The following ANKRD11 variants were observed in gnomAD, a reference collection of about 807,000 sequenced individuals.
ANKRD11 encodes the protein ankyrin repeat domain 11.
In ANKRD11, 17 loss-of-function variants were observed where a neutral mutation model predicts 195.7. That is an observed-to-expected ratio of 0.09 (90% CI 0.06 to 0.13). The LOEUF is 0.13. Ranked by LOEUF, ANKRD11 falls within the 10% of genes least tolerant of loss-of-function variation. The pLI is 1.00. For synonymous variants in ANKRD11, 1,953 were observed against 1,528.1 expected, an observed-to-expected ratio of 1.28 and a Z score of -6.49; for missense variants, 3,735 against 3,566.1, an observed-to-expected ratio of 1.05 and a Z score of -1.21.
chr16:89,390,276 C>CTG lies in ANKRD11; in HGVS notation c.-60+28007_-60+28008insCA, dbSNP rs1252465704. Among the ~76,000 whole-genome samples the CTG allele has an allele frequency of 2.1e-4, 30 of 139,590 alleles. 1 individual carries two copies. The highest frequency in any genetic ancestry group is 6.2e-5 in the Non-Finnish European group (4 of 64,386). The allele number at this position is 139,590 out of a possible 152,430, so 91.6% of individuals were successfully genotyped here. A position where few individuals can be genotyped will look rare whatever the true frequency, so the allele number is the denominator to read the frequency against. On this transcript the variant is annotated intron_variant, in intron 2 of 12. Coordinates refer to ENST00000301030, the MANE Select transcript of ANKRD11 (RefSeq NM_013275.6). ...CGAACACCGAGTGTGGCGGGGAGCA[C>CTG]CGAGAGAGAAGATCACTGGGGCGAA... is the stretch of plus-strand genomic sequence containing the variant.
rs140586593 is a variant in ANKRD11 at position 89,280,644 on chromosome 16, G to A, written c.5898C>T (p.Thr1966=). Residue 1966 remains threonine, a synonymous_variant, in exon 9 of 13, where the codon ACC becomes ACT. Coordinates refer to ENST00000301030, the MANE Select transcript of ANKRD11 (RefSeq NM_013275.6). ...QALASSLIGG[T]SENPVSWPVG... ...CAGGCCAGCTCACAGGGTTTTCAGA[G>A]GTGCCCCCGATCAGGCTAGAGGCAA... 30 of 1,613,526 alleles carry A rather than the reference G, an allele frequency of 1.9e-5. No individual in the cohort carries two copies. In the Middle Eastern group the frequency reaches 8.3e-4, roughly 44 times the overall value.
chr16:89,314,414 T>C (rs1597596259), intron 3 of ANKRD11, among the ~76,000 whole-genome samples: 2 of 152,024 alleles, frequency 1.3e-5, no homozygotes, highest in Non-Finnish European at 2.9e-5. Flanking sequence ...TCATCAAGTC[T>C]CTCTTCTCCT....
chr16:89,403,368 G>A (rs1344443859), intron 2 of ANKRD11, among the ~76,000 whole-genome samples: 1 of 152,188 alleles, frequency 6.6e-6, no homozygotes, highest in Non-Finnish European at 1.5e-5. Context: ...ACATGGAGGA[G>A]CTCATCTGTC....
chr16:89,404,232 G>A (rs758881087), intron 2 of ANKRD11, among the ~76,000 whole-genome samples: 48 of 152,244 alleles, frequency 3.2e-4, no homozygotes, highest in Non-Finnish European at 5.6e-4. Context: ...TTGGCCGACT[G>A]TAGAACCCTG....
intron 9 of ANKRD11, chr16:89,278,778 A>C: frequency 1.7e-6 from 1 of 595,664 alleles, no homozygotes; most frequent in Non-Finnish European, 3.2e-6. Context: ...AGCGGCGTGA[A>C]GGGGGAGCCC....
chr16:89,287,824 T>C (rs942771947), intron 7 of ANKRD11: 1 of 229,576 alleles, frequency 4.4e-6, no homozygotes, highest in Non-Finnish European at 8.5e-6. Context: ...CCTCCAGCAA[T>C]GGCCAGGCTG....
Position 89,281,777 on chromosome 16 carries a change from G to T in ANKRD11, c.4765C>A (p.Gln1589Lys). Residue 1589 changes from glutamine to lysine, a missense_variant, in exon 9 of 13, where the codon CAG becomes AAG. By Grantham distance (53) the Gln-to-Lys change is moderately conservative (BLOSUM62 1). Transcript: ENST00000301030. This position sits in a 1 kb window ranked among gnomAD's most constrained non-coding sequence, Gnocchi z 5.5. ...MMTSFERMLS[Q>K]KDLEIEERHK... ...CGCTCCTCGATCTCCAGGTCCTTCT[G>T]GGACAGCATCCTCTCGAAGCTGGTC... The T allele has an allele frequency of 6.2e-7, 1 of 1,613,984 alleles. No homozygotes were observed. Among genetic ancestry groups the T allele is most frequent in the Non-Finnish European group, 8.5e-7 (1 of 1,180,004 alleles).
In ANKRD11 at chr16:89,267,740, G is replaced by A. The variant is rs1438646061; in HGVS notation, c.*738C>T. 2.0e-5 allele frequency: 3 copies of A among 152,244 alleles called. No homozygotes were observed. The highest frequency in any genetic ancestry group is 7.3e-5 in the African/African-American group (3 of 41,370). 9.4% of individuals were successfully genotyped at this position (152,244 alleles called of 1,614,324 possible). On this transcript the variant is annotated 3_prime_UTR_variant, in exon 13 of 13. Transcript: ENST00000301030. ...TGCAAAATAAATTATCTAGAAGGCA[G>A]CAAAAGTACATTGTGAAGGTATATA...
At chr16:89,344,368 T>C (rs1000780318) in intron 2 of ANKRD11, among the ~76,000 whole-genome samples, 2 of 152,202 alleles carry the variant, frequency 1.3e-5, no homozygotes, top group Non-Finnish European at 2.9e-5. Flanking sequence ...CTCCTTGCTA[T>C]GAATGCCTGG....
At chr16:89,357,709 G>A (rs1597774939) in intron 2 of ANKRD11, among the ~76,000 whole-genome samples, 2 of 152,302 alleles carry the variant, frequency 1.3e-5, no homozygotes, top group East Asian at 3.9e-4. Flanking sequence ...AGCCAATGCT[G>A]CGGACTCCAC....
chr16:89,367,686 C>T (rs1314264961), intron 2 of ANKRD11, among the ~76,000 whole-genome samples: 1 of 152,214 alleles, frequency 6.6e-6, no homozygotes, highest in Admixed American at 6.5e-5. Flanking sequence ...CAAGCAGCAA[C>T]AGCTGCAGGT....
At chr16:89,286,520 C>T (rs1035921673) in intron 7 of ANKRD11, 4 of 557,110 alleles carry the variant, frequency 7.2e-6, no homozygotes, top group East Asian at 6.1e-5. Context: ...AATCTTCTCA[C>T]GAAGGCTCTC....
In ANKRD11 at chr16:89,335,467, C is replaced by T. The variant is rs115200336; in HGVS notation, c.-59-18389G>A. Among the ~76,000 whole-genome samples, 932 of 152,308 alleles carry T rather than the reference C, an allele frequency of 6.1e-3. 15 individuals carry two copies. Among genetic ancestry groups the T allele is most frequent in the African/African-American group, 0.021 (868 of 41,572 alleles). On this transcript the variant is annotated intron_variant, in intron 2 of 12. Coordinates refer to ENST00000301030, the MANE Select transcript of ANKRD11 (RefSeq NM_013275.6). ...AGGATGAGTGGGTTCCCACCTAGCACGCAGTACGCAGTGGGTTAGGGCAGG... is the reference window on the plus strand; with the variant it reads ...AGGATGAGTGGGTTCCCACCTAGCATGCAGTACGCAGTGGGTTAGGGCAGG...
rs923365064 is a variant in ANKRD11, at chr16:89,295,378, T to A, written c.227-4195A>T. On this transcript the variant is annotated intron_variant, in intron 4 of 12. Transcript: ENST00000301030. ...TGAGCCTGGGCGGCCACCCACCTCA[T>A]CTTTAAGAAACAAGGCCCGTAGGGC... Among the ~76,000 whole-genome samples the A allele has an allele frequency of 7.2e-5, 11 of 152,270 alleles. No homozygotes were observed. In the South Asian group the frequency reaches 2.3e-3, roughly 32 times the overall value.
chr16:89,386,742 G>A (rs1226480529), intron 2 of ANKRD11, among the ~76,000 whole-genome samples: 2 of 152,126 alleles, frequency 1.3e-5, no homozygotes, highest in African/African-American at 4.8e-5. Flanking sequence ...ATTGACTGTT[G>A]GATTTCATCA....
intron 11 of ANKRD11, among the ~76,000 whole-genome samples, chr16:89,273,198 A>AG (rs1206396583): frequency 6.6e-6 from 1 of 152,092 alleles, no homozygotes; most frequent in Non-Finnish European, 1.5e-5. Flanking sequence ...TAAATGCTTG[A>AG]GGGGATGGAC....
chr16:89,447,962 G>C (rs1240214140), intron 1 of ANKRD11, among the ~76,000 whole-genome samples: 2 of 151,850 alleles, frequency 1.3e-5, no homozygotes, highest in South Asian at 4.2e-4. Flanking sequence ...CCACCACCAC[G>C]CCTGGCTCAT....
intron 2 of ANKRD11, among the ~76,000 whole-genome samples, chr16:89,331,115 G>A (rs1186614199): frequency 4.6e-5 from 7 of 152,118 alleles, no homozygotes; most frequent in South Asian, 4.1e-4. Flanking sequence ...CACCATGCCC[G>A]GCTAATTTTT....
chr16:89,368,473 G>C (rs1452397539), intron 2 of ANKRD11, among the ~76,000 whole-genome samples: 2 of 142,354 alleles, frequency 1.4e-5, no homozygotes, highest in African/African-American at 5.2e-5. Context: ...CACCTGCCTC[G>C]GCCTCCGAAG....
Sources: gnomAD v4.1 joint callset for allele counts (sites outside exome capture counted in the v4.1 genomes callset) on GRCh38, gnomAD v4.1.1 for gene constraint, Gnocchi (gnomAD v3.1) non-coding constraint, MANE v1.5 for transcripts, NCBI Gene and HGNC (gene_info 2026-07-23, HGNC 2026-07-21) for gene names.